The following DCT variants were observed in gnomAD, a reference collection of about 807,000 sequenced individuals.
DCT encodes the protein dopachrome tautomerase.
In DCT, 47 loss-of-function variants were observed where a neutral mutation model predicts 53.0. The ratio of observed to expected loss-of-function variants is 0.89; its 90% CI spans 0.70 to 1.13. The LOEUF is 1.13. Ranked by LOEUF, DCT falls within the 50% of genes most tolerant of loss-of-function variation. The pLI, the probability that DCT is intolerant of heterozygous loss-of-function variation, is 0.00. For missense variants in DCT, 669 were observed against 637.4 expected, an observed-to-expected ratio of 1.05 and a Z score of -0.53; for synonymous variants, 244 against 237.0, an observed-to-expected ratio of 1.03 and a Z score of -0.27.
At chr13:94,450,810 T>C (rs1218258303) in intron 6 of DCT, among the ~76,000 whole-genome samples, 1 of 152,170 alleles carries the variant, frequency 6.6e-6, no homozygotes, top group East Asian at 1.9e-4. Flanking sequence ...AAGCTACCTC[T>C]CAGGCCATTC....
Position 94,462,030 on chromosome 13 carries a change from C to T in DCT, c.1023G>A (p.Gln341=). ...CCCACCTGAAACTGAAGGTAGAGTT[C>T]TGGAAGAAGGGAGGATTGTCAAACT... ...LQKFDNPPFF[Q]NSTFSFRNAL... The change falls in exon 5 of 8, where the codon CAG becomes CAA. Residue 341 remains glutamine (Q), a synonymous_variant. Transcript: ENST00000377028. The T allele has an allele frequency of 6.2e-7, 1 of 1,613,252 alleles. No homozygotes were observed. Among genetic ancestry groups the T allele is most frequent in the Non-Finnish European group, 8.5e-7 (1 of 1,179,888 alleles).
chr13:94,457,137 AAAAAG>A (rs1883460823), intron 6 of DCT, among the ~76,000 whole-genome samples: 1 of 152,266 alleles, frequency 6.6e-6, no homozygotes, highest in Non-Finnish European at 1.5e-5. Flanking sequence ...CTCAAAAAGA[AAAAAG>A]AAAAGAAAAA....
chr13:94,471,265 A>T (rs989810379), intron 1 of DCT, among the ~76,000 whole-genome samples: 2 of 152,086 alleles, frequency 1.3e-5, no homozygotes, highest in African/African-American at 4.8e-5. Flanking sequence ...AGTAGGGAGA[A>T]TTTTTTCTAA....
At position 94,438,033 on chromosome 13, in the gene DCT, T is replaced by C. The variant is rs1480641748; in HGVS notation, c.*1865A>G. The C allele has an allele frequency of 6.6e-6, 1 of 152,252 alleles. No homozygotes were observed. The highest frequency in any genetic ancestry group is 1.5e-5 in the Non-Finnish European group (1 of 68,058). 9.4% of individuals were successfully genotyped at this position (152,252 alleles called of 1,614,324 possible). A position where few individuals can be genotyped will look rare whatever the true frequency, so the allele number is the denominator to read the frequency against. ...ATTTGCTTTATGAAATTATTCGTAA[T>C]AGTTCACTTATAAAAAGTAACTTCT... is the stretch of plus-strand genomic sequence containing the variant. On this transcript the variant is annotated 3_prime_UTR_variant, in exon 8 of 8. Transcript: ENST00000377028.
intron 1 of DCT, among the ~76,000 whole-genome samples, chr13:94,478,228 C>A (rs1389540396): frequency 7.3e-6 from 1 of 137,194 alleles, no homozygotes; most frequent in Non-Finnish European, 1.5e-5. Flanking sequence ...AAAGTTACAA[C>A]CTGGTCATAA....
chr13:94,472,487 C>G (rs1178903013), intron 1 of DCT, among the ~76,000 whole-genome samples: 1 of 123,156 alleles, frequency 8.1e-6, no homozygotes, highest in African/African-American at 3.2e-5. Context: ...AGAACTACAT[C>G]TGGTATACAG....
the DCT span, among the ~76,000 whole-genome samples, chr13:94,537,719 G>A: frequency 3.7e-4 from 57 of 152,274 alleles, no homozygotes; most frequent in Non-Finnish European, 7.9e-4. Flanking sequence ...TGAAATAGTT[G>A]CTTACTGTTA....
chr13:94,500,888 T>G, the DCT span, among the ~76,000 whole-genome samples: 2 of 152,218 alleles, frequency 1.3e-5, no homozygotes, highest in South Asian at 2.1e-4. Context: ...AATGCACCAC[T>G]CTGTGACAAC....
At chr13:94,471,379 A>G (rs1055174568) in intron 1 of DCT, among the ~76,000 whole-genome samples, 6 of 152,218 alleles carry the variant, frequency 3.9e-5, no homozygotes, top group African/African-American at 9.6e-5. Flanking sequence ...CTATGAGAAC[A>G]TAAGTTAAAA....
At chr13:94,448,159 C>G (rs1465731366) in intron 6 of DCT, among the ~76,000 whole-genome samples, 1 of 152,074 alleles carries the variant, frequency 6.6e-6, no homozygotes, top group Non-Finnish European at 1.5e-5. Context: ...ATGCGAGGAT[C>G]ATTTGAGCCC....
At chr13:94,492,121 C>A in the DCT span, among the ~76,000 whole-genome samples, 1 of 152,152 alleles carries the variant, frequency 6.6e-6, no homozygotes, top group Admixed American at 6.6e-5. Context: ...TCTCAAGCAT[C>A]GCATTTGTAA....
intron 1 of DCT, among the ~76,000 whole-genome samples, chr13:94,477,028 TAG>T (rs780271925): frequency 7.9e-5 from 12 of 152,212 alleles, no homozygotes; most frequent in Non-Finnish European, 1.5e-4. Context: ...AACCAGGACC[TAG>T]ATATTCTTCT....
At position 94,440,033 on chromosome 13, in the gene DCT, T is replaced by A; in HGVS notation, c.1425A>T (p.Val475=). The change falls in exon 8 of 8, where the codon GTA becomes GTT. Residue 475 remains valine (V), a synonymous_variant. Transcript: ENST00000377028. ...CCAAAGCCACCAGTGTTCCCATGACTACTAAGAGAGTTGTGGGCCAACCTG... is the reference window on the plus strand; with the variant it reads ...CCAAAGCCACCAGTGTTCCCATGACAACTAAGAGAGTTGTGGGCCAACCTG... ...ETPGWPTTLL[V]VMGTLVALVG... is the part of the protein sequence containing the mutation. The A allele has an allele frequency of 6.2e-7, 1 of 1,614,038 alleles. No homozygotes were observed. The highest frequency in any genetic ancestry group is 8.5e-7 in the Non-Finnish European group (1 of 1,179,920).
chr13:94,543,034 T>G, the DCT span, among the ~76,000 whole-genome samples: 1 of 152,194 alleles, frequency 6.6e-6, no homozygotes, highest in Non-Finnish European at 1.5e-5. Context: ...CAGGAAAGTC[T>G]CATGGCTTCA....
Position 94,443,626 on chromosome 13 carries a change from G to A in DCT, c.1191C>T (p.Ser397=), listed in dbSNP as rs1291073867. Residue 397 remains serine (S), a synonymous_variant, in exon 7 of 8, where the codon TCC becomes TCT. Transcript: ENST00000377028. ...ANDPIFVVLH[S]FTDAIFDEWM... ...ACTCATCAAAGATGGCATCAGTAAA[G>A]GAATGAAGAACCTGCAAAACAGTTG... The A allele has an allele frequency of 6.2e-7, 1 of 1,613,610 alleles. No individual in the cohort carries two copies. The highest frequency in any genetic ancestry group is 8.5e-7 in the Non-Finnish European group (1 of 1,179,784).
chr13:94,487,510 G>A, the DCT span, among the ~76,000 whole-genome samples: 1 of 152,248 alleles, frequency 6.6e-6, no homozygotes, highest in Non-Finnish European at 1.5e-5. Context: ...GAGCTAGGAT[G>A]CCAGCCTATG....
chr13:94,476,469 C>CTTTTT (rs57154236), intron 1 of DCT, among the ~76,000 whole-genome samples: 140 of 111,014 alleles, frequency 1.3e-3, no homozygotes, highest in African/African-American at 3.2e-3. Flanking sequence ...TTGGCACTTT[C>CTTTTT]TTTTTTTTTT....
At chr13:94,509,546 C>A in the DCT span, among the ~76,000 whole-genome samples, 1 of 152,082 alleles carries the variant, frequency 6.6e-6, no homozygotes, top group African/African-American at 2.4e-5. Context: ...GAGCACAGCC[C>A]CTTGCCAACC....
chr13:94,497,876 A>ATGTGTGTGTGTGTGTG, the DCT span, among the ~76,000 whole-genome samples: 177 of 151,564 alleles, frequency 1.2e-3, no homozygotes, highest in African/African-American at 4.2e-3. Flanking sequence ...GGTCACCTAT[A>ATGTGTGTGTGTGTGTG]TGTGTGTGTG....
Sources: allele counts gnomAD v4.1 joint callset (sites outside exome capture counted in the v4.1 genomes callset), GRCh38; gene constraint gnomAD v4.1.1; transcripts MANE v1.5; gene names NCBI Gene and HGNC (gene_info 2026-07-23, HGNC 2026-07-21).